TOM1L2: variants seen among roughly 807,000 people sequenced by gnomAD.
The protein encoded by TOM1L2 is TOM1-like protein 2.
TOM1L2 carries 31 observed loss-of-function variants against 67.9 expected under a neutral mutation model. The ratio of observed to expected loss-of-function variants is 0.46; its 90% confidence interval spans 0.34 to 0.62. The LOEUF (loss-of-function observed/expected upper bound fraction) is 0.62. TOM1L2 is among the 20% of genes least tolerant of loss of function. The pLI, the probability that TOM1L2 is intolerant of heterozygous loss-of-function variation, is 0.01. For missense variants in TOM1L2, 606 were observed against 663.5 expected (o/e 0.91, Z 0.95); for synonymous variants, 256 against 254.0 (o/e 1.01, Z -0.07).
chr17:17,898,234 CA>C (rs2038674886), intron 3 of TOM1L2, among the ~76,000 whole-genome samples: 1 of 152,020 alleles, frequency 6.6e-6, no homozygotes, highest in Non-Finnish European at 1.5e-5. Context: ...AACATTTTTA[CA>C]AAGAGGAAAC....
chr17:17,848,966 G>C, intron 13 of TOM1L2, 107 bp from the exon 14 acceptor site: 1 of 1,083,178 alleles, frequency 9.2e-7, no homozygotes, highest in Non-Finnish European at 1.4e-6. Flanking sequence ...GCCCAGGGTA[G>C]CCTGAACAAA....
At chr17:17,960,882 G>A (rs1288377931) in intron 1 of TOM1L2, among the ~76,000 whole-genome samples, 6 of 152,112 alleles carry the variant, frequency 3.9e-5, no homozygotes, top group East Asian at 1.9e-4. Flanking sequence ...TGTTAGATTC[G>A]ACTGAAAGAT....
intron 12 of TOM1L2, among the ~76,000 whole-genome samples, chr17:17,856,508 C>T (rs2036259700): frequency 1.3e-5 from 2 of 152,226 alleles, no homozygotes; most frequent in South Asian, 4.1e-4. Flanking sequence ...GGCCCAAGTT[C>T]CTACTCACTG....
At chr17:17,879,832 T>C in intron 6 of TOM1L2, 89 bp from the exon 7 acceptor site, 3 of 1,118,698 alleles carry the variant, frequency 2.7e-6, no homozygotes, top group Non-Finnish European at 2.7e-6. Flanking sequence ...CCTAGTCTAG[T>C]GACAATCCTT....
chr17:17,850,909 C>G lies in TOM1L2; in HGVS notation c.1322G>C (p.Trp441Ser), dbSNP rs1568044943. ...QPSVMDDIEV[W>S]LRTDLKGDDL... ...GAGTCTCACCAGGTCGGTCCTGAGC[C>G]ACACCTCAATGTCGTCCATGACAGA... Residue 441 changes from tryptophan (W) to serine (S), a missense_variant, in exon 13 of 15, where the codon TGG becomes TCG. This residue lies in a region of TOM1L2 where 543 missense variants were observed against 554.0 expected (regional missense o/e 0.98). Transcript: ENST00000379504. 3 of 1,614,106 alleles carry G rather than the reference C, an allele frequency of 1.9e-6. No individual in the cohort carries two copies. Among genetic ancestry groups the G allele is most frequent in the Non-Finnish European group, 2.5e-6 (3 of 1,180,026 alleles).
At chr17:17,876,650 G>A (rs1273914171) in intron 7 of TOM1L2, among the ~76,000 whole-genome samples, 1 of 152,238 alleles carries the variant, frequency 6.6e-6, no homozygotes, top group Non-Finnish European at 1.5e-5. Flanking sequence ...GCACTGCCAA[G>A]GTGCAAGTGA....
At chr17:17,960,914 C>A (rs563600260) in intron 1 of TOM1L2, among the ~76,000 whole-genome samples, 24 of 152,186 alleles carry the variant, frequency 1.6e-4, no homozygotes, top group Admixed American at 4.6e-4. Context: ...ACGGAAGGTA[C>A]AAGCAACAAA....
intron 1 of TOM1L2, among the ~76,000 whole-genome samples, chr17:17,948,447 G>T (rs1338068703): frequency 2.0e-5 from 3 of 152,174 alleles, no homozygotes; most frequent in Non-Finnish European, 4.4e-5. Context: ...TCAGGTTTGA[G>T]ACCAGCTTGG....
chr17:17,850,511 A>G (rs1324247809), intron 13 of TOM1L2, among the ~76,000 whole-genome samples: 1 of 152,046 alleles, frequency 6.6e-6, no homozygotes, highest in African/African-American at 2.4e-5. Flanking sequence ...AAACAAAACA[A>G]AACAAAAAAC....
intron 1 of TOM1L2, among the ~76,000 whole-genome samples, chr17:17,960,697 G>T (rs1310670763): frequency 2.0e-5 from 3 of 151,992 alleles, no homozygotes; most frequent in Non-Finnish European, 4.4e-5. Context: ...GACAGGCCTG[G>T]GTGACACAGT....
At chr17:17,850,764 G>T (rs1489835334) in intron 13 of TOM1L2, 129 bp downstream of exon 13, 2 of 982,068 alleles carry the variant, frequency 2.0e-6, no homozygotes, top group African/African-American at 1.6e-5. Context: ...TATGGAGCTT[G>T]CCCAGACCTC....
chr17:17,913,105 C>T lies in TOM1L2; in HGVS notation c.53-5574G>A, dbSNP rs1008123258. 3.3e-5 allele frequency among the ~76,000 whole-genome samples: 5 copies of T among 151,580 alleles called. No individual in the cohort carries two copies. The East Asian group carries it at 9.7e-4, about 29-fold the overall frequency. The stretch of plus-strand genomic sequence containing the variant: ...GGCAGGCTGAGGCAGGAGAATCAGG[C>T]AGGGAGGTTGCAGTGAGCCGAGATG... On this transcript the variant is annotated intron_variant, in intron 1 of 14. Transcript: ENST00000379504.
chr17:17,911,235 T>C (rs2039335783), intron 1 of TOM1L2, among the ~76,000 whole-genome samples: 1 of 152,158 alleles, frequency 6.6e-6, no homozygotes, highest in Non-Finnish European at 1.5e-5. Context: ...GGCATCAGGA[T>C]GCTATGCTGC....
intron 4 of TOM1L2, among the ~76,000 whole-genome samples, chr17:17,885,847 TC>T (rs2037968045): frequency 7.2e-6 from 1 of 138,630 alleles, no homozygotes; most frequent in Non-Finnish European, 1.5e-5. Context: ...ATGGTGTGAA[TC>T]CGGGAGGCAG....
intron 12 of TOM1L2, chr17:17,857,649 G>T (rs751678159): frequency 1.3e-6 from 1 of 798,496 alleles, no homozygotes; most frequent in Non-Finnish European, 1.9e-6. Flanking sequence ...GAAAGAAAGC[G>T]TGTGGCCTTG....
rs114926222 is a variant in TOM1L2, at chr17:17,844,233, T to C, written c.*3402A>G. On this transcript the variant is annotated 3_prime_UTR_variant, in exon 15 of 15. Transcript: ENST00000379504. ...AGGCTGGGCCCAACTGAGTTAGAGA[T>C]GCGTGTCTGCGGGGGCCCAGGGTGG... 0.026 allele frequency: 3,998 copies of C among 152,186 alleles called. 147 individuals are homozygous for C. The highest frequency in any genetic ancestry group is 0.083 in the African/African-American group (3,451 of 41,474). The allele number at this position is 152,186 out of a possible 1,614,324, so 9.4% of individuals were successfully genotyped here.
Position 17,882,804 on chromosome 17 carries a change from T to C in TOM1L2, c.561A>G (p.Thr187=), listed in dbSNP as rs757574996. The C allele has an allele frequency of 6.2e-7, 1 of 1,614,038 alleles. No individual in the cohort carries two copies. The highest frequency in any genetic ancestry group is 1.3e-5 in the African/African-American group (1 of 74,924). Residue 187 remains threonine, a synonymous_variant, in exon 6 of 15, where the codon ACA becomes ACG. Coordinates refer to ENST00000379504, the MANE Select transcript of TOM1L2 (RefSeq NM_001082968.2). The part of the protein sequence containing the change: ...TMPRSQSQQR[T]SAGSYSSPPP... Reference sequence around the variant, plus strand: ...GCGGCGAGGAATAGGAACCAGCACTTGTCCTCTGCTGTGATTGGGACCTGG... The same window carrying C: ...GCGGCGAGGAATAGGAACCAGCACTCGTCCTCTGCTGTGATTGGGACCTGG...
chr17:17,854,633 T>C (rs1203062375), intron 12 of TOM1L2, among the ~76,000 whole-genome samples: 1 of 152,136 alleles, frequency 6.6e-6, no homozygotes, highest in African/African-American at 2.4e-5. Context: ...CAGATAATCC[T>C]TGTGCCTCAG....
intron 10 of TOM1L2, among the ~76,000 whole-genome samples, chr17:17,865,565 G>A (rs1277395160): frequency 6.6e-6 from 1 of 151,918 alleles, no homozygotes; most frequent in Non-Finnish European, 1.5e-5. Context: ...TTTTAGTACA[G>A]ACGGGGTTTC....
Sources: gnomAD v4.1 joint callset for allele counts (sites outside exome capture counted in the v4.1 genomes callset) on GRCh38, gnomAD v4.1.1 for gene constraint, gnomAD v4.1.1 regional missense constraint, MANE v1.5 for transcripts, NCBI Gene and HGNC (gene_info 2026-07-23, HGNC 2026-07-21) for gene names.